Variants in TRRAP observed in about 807,000 individuals in gnomAD.
TRRAP encodes the protein transformation/transcription domain associated protein.
Under a neutral mutation model 438.8 loss-of-function variants are expected in TRRAP, and 41 were observed. The ratio of observed to expected loss-of-function variants is 0.09; its 90% CI spans 0.07 to 0.12. The LOEUF is 0.12. Among genes scored for constraint, TRRAP ranks in the 10% least tolerant of loss-of-function variants. The pLI, the probability that TRRAP is intolerant of heterozygous loss-of-function variation, is 1.00. For missense variants in TRRAP, 3,122 were observed against 5,055.1 expected (o/e 0.62, Z 11.60); for synonymous variants, 1,994 against 1,962.9 (o/e 1.02, Z -0.42).
intron 45 of TRRAP, among the ~76,000 whole-genome samples, chr7:98,960,217 G>T (rs1030023532): frequency 6.6e-6 from 1 of 152,186 alleles, no homozygotes; most frequent in African/African-American, 2.4e-5. Flanking sequence ...AGGTAACAAG[G>T]AGCTAGTCCC....
chr7:99,009,934 C>T (rs925523034), intron 70 of TRRAP, among the ~76,000 whole-genome samples: 7 of 134,974 alleles, frequency 5.2e-5, no homozygotes, highest in African/African-American at 2.0e-4. Flanking sequence ...GTTGCCCAGG[C>T]TGGAGTGCAA....
At chr7:98,902,772 T>A (rs1237116612) in intron 11 of TRRAP, among the ~76,000 whole-genome samples, 1 of 151,924 alleles carries the variant, frequency 6.6e-6, no homozygotes, top group African/African-American at 2.4e-5. Context: ...GATGACTAAG[T>A]AAACAAGTAA....
At chr7:98,903,016 C>T (rs1796543715) in intron 11 of TRRAP, among the ~76,000 whole-genome samples, 1 of 148,848 alleles carries the variant, frequency 6.7e-6, no homozygotes, top group South Asian at 2.2e-4. Context: ...TCACTTGAGT[C>T]AAGCTTAGTC....
intron 20 of TRRAP, among the ~76,000 whole-genome samples, chr7:98,918,510 G>A (rs1160600321): frequency 6.6e-6 from 1 of 151,760 alleles, no homozygotes; most frequent in Admixed American, 6.6e-5. Context: ...TTACAGCCGC[G>A]AGTCACCGTG....
At position 98,898,278 on chromosome 7, in the gene TRRAP, T is replaced by A. The variant is rs898231098; in HGVS notation, c.633+412T>A. On this transcript the variant is annotated intron_variant, in intron 8 of 72. Transcript: ENST00000456197. Reference sequence around the variant, plus strand: ...CCTGGCCCCACTGGGGTTTTCTGACTCCAAGAAAGTTAATGAACCTGCGTT... The same window carrying A: ...CCTGGCCCCACTGGGGTTTTCTGACACCAAGAAAGTTAATGAACCTGCGTT... 3.3e-5 allele frequency among the ~76,000 whole-genome samples: 5 copies of A among 152,348 alleles called. No homozygotes were observed. The East Asian group carries it at 9.6e-4, about 29-fold the overall frequency.
intron 16 of TRRAP, 148 bp from the exon 17 acceptor site, chr7:98,910,929 G>T: frequency 1.6e-6 from 1 of 639,730 alleles, no homozygotes; most frequent in Non-Finnish European, 2.4e-6. Context: ...AGGTGAGAAA[G>T]GAGAATTTAA....
chr7:98,921,995 A>C, intron 21 of TRRAP, 42 bp downstream of exon 21: 1 of 1,612,596 alleles, frequency 6.2e-7, no homozygotes, highest in Non-Finnish European at 8.5e-7. Flanking sequence ...AGCCTTGTGA[A>C]GATACTATGT....
chr7:98,936,422 C>T (rs1329981644), intron 28 of TRRAP, among the ~76,000 whole-genome samples: 1 of 152,198 alleles, frequency 6.6e-6, no homozygotes, highest in Non-Finnish European at 1.5e-5. Flanking sequence ...TTGGGGAACT[C>T]TCCTGTGCCT....
intron 65 of TRRAP, among the ~76,000 whole-genome samples, chr7:98,992,512 T>G (rs2116805085): frequency 6.6e-6 from 1 of 152,326 alleles, no homozygotes; most frequent in South Asian, 2.1e-4. Context: ...AAGTTTACCT[T>G]TCTCCTTAGT....
Position 98,984,150 on chromosome 7 carries a change from T to C in TRRAP, c.9080T>C (p.Met3027Thr). 1 of 1,614,092 alleles carries C rather than the reference T, an allele frequency of 6.2e-7. No homozygotes were observed. Among genetic ancestry groups the C allele is most frequent in the Non-Finnish European group, 8.5e-7 (1 of 1,179,988 alleles). ...CATGATCCCAGTTCAAATAACGCTA[T>C]GCTTGGGGTTCATGCATCAGCTTCA... Reference protein sequence around the residue: ...SQHDPSSNNAMLGVHASASAI... With the variant: ...SQHDPSSNNATLGVHASASAI... The change falls in exon 61 of 73, where the codon ATG (methionine) becomes ACG (threonine). Residue 3027 changes from methionine to threonine, a missense_variant. This residue lies in a region of TRRAP where 129 missense variants were observed against 279.2 expected (regional missense o/e 0.46). Transcript: ENST00000456197.
At chr7:99,006,085 G>A (rs1335219845) in intron 69 of TRRAP, among the ~76,000 whole-genome samples, 2 of 152,156 alleles carry the variant, frequency 1.3e-5, no homozygotes, top group African/African-American at 4.8e-5. Flanking sequence ...ATTGCCAGGG[G>A]GACACAAATA....
At chr7:99,002,146 G>T (rs1472733688) in intron 67 of TRRAP, among the ~76,000 whole-genome samples, 1 of 142,870 alleles carries the variant, frequency 7.0e-6, no homozygotes, top group Non-Finnish European at 1.6e-5. Flanking sequence ...GGTGGGGGTG[G>T]GTGGTAGCTG....
In TRRAP at chr7:98,949,676, T is replaced by A. The variant is rs1489771760; in HGVS notation, c.4970T>A (p.Val1657Glu). 1 of 1,613,322 alleles carries A rather than the reference T, an allele frequency of 6.2e-7. No homozygotes were observed. ...FQAIKIISIIVKNDDSWLASQ... is the reference protein window; with the variant it reads ...FQAIKIISIIEKNDDSWLASQ... The stretch of plus-strand genomic sequence containing the variant: ...CTTTGACAGATCATAAGCATTATAG[T>A]GAAAAACGATGACTCCTGGCTGGCC... Residue 1657 changes from valine (V) to glutamate (E), a missense_variant, in exon 37 of 73, where the codon GTG (valine) becomes GAG (glutamate). By Grantham distance (121) the Val-to-Glu change is moderately radical. Transcript: ENST00000456197.
chr7:98,932,927 G>A (rs1257992097), intron 26 of TRRAP, among the ~76,000 whole-genome samples: 1 of 151,904 alleles, frequency 6.6e-6, no homozygotes, highest in East Asian at 1.9e-4. Flanking sequence ...CTTCAAGAGA[G>A]TAGAGGGTAG....
Position 98,881,837 on chromosome 7 carries a change from A to ATGT in TRRAP, c.101-137_101-135dup, listed in dbSNP as rs377638288. 149 of 836,902 alleles carry ATGT rather than the reference A, an allele frequency of 1.8e-4. No homozygotes were observed. In the East Asian group the frequency reaches 3.6e-3, roughly 20 times the overall value. 51.8% of individuals were successfully genotyped at this position (836,902 alleles called of 1,614,324 possible). On this transcript the variant is annotated intron_variant, in intron 2 of 72. Coordinates refer to ENST00000456197, the MANE Select transcript of TRRAP (RefSeq NM_001375524.1). ...TGCGACTGGTTGTAGGGAACTAGCT[A>ATGT]TGTGCCTTCTATTAGGCCATGACAG...
intron 62 of TRRAP, among the ~76,000 whole-genome samples, chr7:98,986,616 T>C (rs1793161326): frequency 6.6e-6 from 1 of 152,242 alleles, no homozygotes; most frequent in Non-Finnish European, 1.5e-5. Flanking sequence ...CTTGCAGATA[T>C]ATGATTTCCA....
rs782392215 is a variant in TRRAP at position 98,949,552 on chromosome 7, C to T, written c.4924C>T (p.Arg1642Cys). ...RPGSPSTSTM[R>C]LDLQFQAIKI... is the part of the protein sequence containing the mutation. Reference sequence around the variant, plus strand: ...CGGTTCGCCCAGCACCAGCACCATGCGCCTGGACCTCCAGTTCCAGGCCAT... The same window carrying T: ...CGGTTCGCCCAGCACCAGCACCATGTGCCTGGACCTCCAGTTCCAGGCCAT... Residue 1642 changes from arginine (R) to cysteine (C), a missense_variant, in exon 36 of 73, where the codon CGC becomes TGC. By Grantham distance (180) the Arg-to-Cys change is radical. This residue lies in a region of TRRAP where 272 missense variants were observed against 348.5 expected (regional missense o/e 0.78). Coordinates refer to ENST00000456197, the MANE Select transcript of TRRAP (RefSeq NM_001375524.1). 2.3e-5 allele frequency: 36 copies of T among 1,587,654 alleles called. No individual in the cohort carries two copies. The highest frequency in any genetic ancestry group is 9.0e-5 in the East Asian group (4 of 44,596).
intron 21 of TRRAP, among the ~76,000 whole-genome samples, chr7:98,922,424 A>G (rs1789839806): frequency 6.6e-6 from 1 of 152,200 alleles, no homozygotes; most frequent in South Asian, 2.1e-4. Flanking sequence ...TGTAAAAAGC[A>G]GACAGTGCCC....
At chr7:98,911,515 G>A (rs968709461) in intron 17 of TRRAP, among the ~76,000 whole-genome samples, 3 of 152,194 alleles carry the variant, frequency 2.0e-5, no homozygotes, top group East Asian at 3.8e-4. Context: ...GCTCATGCCT[G>A]TAATCCCAGC....
Sources: gnomAD v4.1 joint callset for allele counts (sites outside exome capture counted in the v4.1 genomes callset) on GRCh38, gnomAD v4.1.1 for gene constraint, gnomAD v4.1.1 regional missense constraint, MANE v1.5 for transcripts, NCBI Gene and HGNC (gene_info 2026-07-23, HGNC 2026-07-21) for gene names.